Variants in DPH6 observed in about 807,000 individuals in gnomAD.
The protein encoded by DPH6 is diphthine--ammonia ligase.
In DPH6, 33 loss-of-function variants were observed where a neutral mutation model predicts 38.2. The observed-to-expected ratio is 0.86, with a 90% confidence interval of 0.65 to 1.15. The LOEUF is 1.15. DPH6 is among the 50% of genes most tolerant of loss of function. DPH6 has a pLI of 0.00. For missense variants in DPH6, 325 were observed against 320.0 expected (o/e 1.02, Z -0.12); for synonymous variants, 108 against 103.0 (o/e 1.05, Z -0.30).
At chr15:35,193,913 T>A in the DPH6 span, among the ~76,000 whole-genome samples, 1 of 152,108 alleles carries the variant, frequency 6.6e-6, no homozygotes, top group African/African-American at 2.4e-5. Flanking sequence ...AGGAAACAAA[T>A]AGACATGGTT....
intron 3 of DPH6, chr15:35,520,512 A>T: frequency 1.0e-6 from 1 of 984,574 alleles, no homozygotes; most frequent in Non-Finnish European, 1.2e-6. Context: ...AATTAAATCC[A>T]ATTAAGTACA....
At position 35,262,575 on chromosome 15, in the gene DPH6, G is replaced by T. The variant is rs543968046; in HGVS notation, n.201-41993C>A. On this transcript the variant is annotated intron_variant and non_coding_transcript_variant, in intron 3 of 3. Transcript: ENST00000560386. ...CAAAAAATTAGCTGGGCGTGGTGGC[G>T]GGCGCCTGTAGTCCCAGCTACTGGA... is the stretch of plus-strand genomic sequence containing the variant. Among the ~76,000 whole-genome samples, 5 of 151,762 alleles carry T rather than the reference G, an allele frequency of 3.3e-5. No individual in the cohort carries two copies. In the East Asian group the frequency reaches 7.7e-4, roughly 23 times the overall value.
At chr15:35,348,137 A>G (rs1176245790) in intron 3 of DPH6, among the ~76,000 whole-genome samples, 1 of 152,106 alleles carries the variant, frequency 6.6e-6, no homozygotes, top group African/African-American at 2.4e-5. Flanking sequence ...TTGCTGCACC[A>G]AAGTTTTAAA....
intron 3 of DPH6, among the ~76,000 whole-genome samples, chr15:35,224,358 C>T (rs1307834830): frequency 1.3e-5 from 2 of 152,100 alleles, no homozygotes; most frequent in Admixed American, 6.6e-5. Context: ...CCGCCTGCCA[C>T]GGCCTCCCAA....
chr15:35,468,602 T>C (rs1004038802), intron 3 of DPH6, among the ~76,000 whole-genome samples: 5 of 152,072 alleles, frequency 3.3e-5, no homozygotes, highest in East Asian at 1.9e-4. Context: ...AACATGAACA[T>C]AGTCATAAAC....
At chr15:35,146,711 A>G in the DPH6 span, among the ~76,000 whole-genome samples, 5 of 152,152 alleles carry the variant, frequency 3.3e-5, no homozygotes, top group Non-Finnish European at 7.4e-5. Flanking sequence ...ATTTTACAAC[A>G]TTTATTATCA....
At chr15:35,362,805 TG>T (rs2052624861) in intron 3 of DPH6, among the ~76,000 whole-genome samples, 1 of 152,178 alleles carries the variant, frequency 6.6e-6, no homozygotes, top group Non-Finnish European at 1.5e-5. Flanking sequence ...CCAATGTGGT[TG>T]TTTTTGACTC....
chr15:35,398,210 CCTAAGA>C (rs776088688), intron 6 of DPH6, among the ~76,000 whole-genome samples: 17 of 152,148 alleles, frequency 1.1e-4, no homozygotes, highest in Admixed American at 7.9e-4. Context: ...AGACAGAGCT[CCTAAGA>C]CCTTTGTAAT....
At chr15:35,470,366 A>G (rs1445700626) in intron 3 of DPH6, among the ~76,000 whole-genome samples, 3 of 152,172 alleles carry the variant, frequency 2.0e-5, no homozygotes, top group Admixed American at 6.5e-5. Flanking sequence ...GAGGAATGAA[A>G]AAAATGGGGA....
At chr15:35,190,044 T>A in the DPH6 span, among the ~76,000 whole-genome samples, 1 of 152,196 alleles carries the variant, frequency 6.6e-6, no homozygotes, top group African/African-American at 2.4e-5. Flanking sequence ...GGAAGGCAAT[T>A]ATGTTCCCTT....
intron 7 of DPH6, among the ~76,000 whole-genome samples, chr15:35,380,789 A>T (rs1023374776): frequency 6.6e-6 from 1 of 152,186 alleles, no homozygotes; most frequent in Non-Finnish European, 1.5e-5. Context: ...TCGTAATTAC[A>T]CACAGATGTC....
At chr15:35,174,513 G>A in the DPH6 span, among the ~76,000 whole-genome samples, 1 of 152,046 alleles carries the variant, frequency 6.6e-6, no homozygotes, top group Non-Finnish European at 1.5e-5. Flanking sequence ...AAAACTAGAT[G>A]GTCCTCTGAA....
intron 6 of DPH6, 117 bp downstream of exon 6, chr15:35,410,713 ATATAT>A (rs914857879): frequency 2.8e-6 from 2 of 718,036 alleles, no homozygotes; most frequent in South Asian, 2.3e-5. Flanking sequence ...TTTTTCATAA[ATATAT>A]TATGAATGTA....
At chr15:35,276,879 TTC>T (rs1198648056) in intron 3 of DPH6, among the ~76,000 whole-genome samples, 1 of 152,194 alleles carries the variant, frequency 6.6e-6, no homozygotes, top group Non-Finnish European at 1.5e-5. Flanking sequence ...TCCAGATTTG[TTC>T]TTTTTGTTTA....
intron 6 of DPH6, among the ~76,000 whole-genome samples, chr15:35,389,618 T>A (rs1222428430): frequency 6.6e-6 from 1 of 152,232 alleles, no homozygotes; most frequent in Non-Finnish European, 1.5e-5. Context: ...TCTCTTTCGA[T>A]CTTTGTTGGT....
intron 3 of DPH6, among the ~76,000 whole-genome samples, chr15:35,528,227 A>G (rs1238535870): frequency 2.6e-5 from 4 of 152,210 alleles, no homozygotes; most frequent in African/African-American, 7.2e-5. Flanking sequence ...GATACAACCA[A>G]GACCAAAATG....
At chr15:35,450,904 G>T in intron 4 of DPH6, 101 bp from the exon 5 acceptor site, 2 of 917,572 alleles carry the variant, frequency 2.2e-6, no homozygotes, top group Non-Finnish European at 3.3e-6. Context: ...TTCGTTCAAG[G>T]ATTTTAGCAT....
At chr15:35,422,889 AG>A (rs1404426069) in intron 5 of DPH6, among the ~76,000 whole-genome samples, 9 of 151,884 alleles carry the variant, frequency 5.9e-5, no homozygotes, top group African/African-American at 2.2e-4. Flanking sequence ...GAAAATGGTT[AG>A]ATTTCCTTTT....
intron 3 of DPH6, among the ~76,000 whole-genome samples, chr15:35,483,194 G>C (rs780009195): frequency 6.6e-6 from 1 of 151,886 alleles, no homozygotes; most frequent in Non-Finnish European, 1.5e-5. Flanking sequence ...GCTTGGGTGC[G>C]GTGGTTCATG....
Sources: allele counts gnomAD v4.1 joint callset (sites outside exome capture counted in the v4.1 genomes callset), GRCh38; gene constraint gnomAD v4.1.1; transcripts MANE v1.5; gene names NCBI Gene and HGNC (gene_info 2026-07-23, HGNC 2026-07-21).